GPC6: variants seen among roughly 807,000 people sequenced by gnomAD.
The protein encoded by GPC6 is glypican-6.
In GPC6, 14 loss-of-function variants were observed where a neutral mutation model predicts 55.2. The ratio of observed to expected loss-of-function variants is 0.25; its 90% CI spans 0.17 to 0.40. The LOEUF (loss-of-function observed/expected upper bound fraction) is 0.40. Among genes scored for constraint, GPC6 ranks in the 10% least tolerant of loss-of-function variants. GPC6 has a pLI of 1.00. For missense variants in GPC6, 641 were observed against 708.5 expected (o/e 0.90, Z 1.08); for synonymous variants, 278 against 259.6 (o/e 1.07, Z -0.68).
chr13:93,904,018 A>G (rs149252628), intron 3 of GPC6, among the ~76,000 whole-genome samples: 6 of 152,208 alleles, frequency 3.9e-5, no homozygotes, highest in Non-Finnish European at 5.9e-5. Context: ...GATACCTGTC[A>G]TAACAGTTTT....
At chr13:94,217,515 A>G (rs1890259895) in intron 4 of GPC6, among the ~76,000 whole-genome samples, 1 of 152,166 alleles carries the variant, frequency 6.6e-6, no homozygotes, top group Admixed American at 6.6e-5. Context: ...GCATGACAGC[A>G]TCCCATTCAT....
intron 3 of GPC6, among the ~76,000 whole-genome samples, chr13:94,002,269 T>C (rs1342485665): frequency 1.3e-5 from 2 of 152,044 alleles, no homozygotes; most frequent in Non-Finnish European, 2.9e-5. Context: ...GAAGGGACCA[T>C]AGGGGTGCTG....
chr13:93,552,786 A>G (rs1394855633), intron 2 of GPC6, among the ~76,000 whole-genome samples: 1 of 152,176 alleles, frequency 6.6e-6, no homozygotes, highest in Non-Finnish European at 1.5e-5. Context: ...GTTCTACCAG[A>G]AGGGTTCTTG....
At chr13:93,458,142 A>G (rs1878539400) in intron 1 of GPC6, among the ~76,000 whole-genome samples, 1 of 152,148 alleles carries the variant, frequency 6.6e-6, no homozygotes, top group Non-Finnish European at 1.5e-5. Context: ...GATCTAATTT[A>G]TTTGTTTTGT....
chr13:93,468,079 A>G (rs1487054367), intron 1 of GPC6, among the ~76,000 whole-genome samples: 1 of 152,164 alleles, frequency 6.6e-6, no homozygotes, highest in East Asian at 1.9e-4. Flanking sequence ...CTTAATGGCC[A>G]TTGTCCTGTA....
intron 2 of GPC6, among the ~76,000 whole-genome samples, chr13:93,740,180 G>A (rs1467803319): frequency 1.8e-5 from 2 of 114,014 alleles, no homozygotes; most frequent in Admixed American, 9.2e-5. Flanking sequence ...CTATAGCAAC[G>A]GCACATTGTT....
chr13:93,538,259 T>C (rs1252111621), intron 1 of GPC6, among the ~76,000 whole-genome samples: 6 of 152,138 alleles, frequency 3.9e-5, no homozygotes. Context: ...TTCCCAGAGA[T>C]TTTTCTCCAT....
At chr13:93,838,995 A>G (rs1338660808) in intron 3 of GPC6, among the ~76,000 whole-genome samples, 1 of 152,190 alleles carries the variant, frequency 6.6e-6, no homozygotes, top group East Asian at 1.9e-4. Flanking sequence ...GAGTTCTGAA[A>G]ACAAAGACAA....
chr13:93,834,575 AGTGT>A (rs145637968), intron 3 of GPC6, among the ~76,000 whole-genome samples: 9 of 150,144 alleles, frequency 6.0e-5, no homozygotes, highest in East Asian at 1.9e-4. Context: ...GTGCTTGAGG[AGTGT>A]GTGTGTGTGT....
At chr13:94,227,181 A>C (rs1269167072) in intron 4 of GPC6, among the ~76,000 whole-genome samples, 1 of 152,184 alleles carries the variant, frequency 6.6e-6, no homozygotes, top group Non-Finnish European at 1.5e-5. Context: ...AGTTAAATAT[A>C]ATTATAATTA....
chr13:93,487,265 G>A (rs1030142103), intron 1 of GPC6, among the ~76,000 whole-genome samples: 1 of 151,994 alleles, frequency 6.6e-6, no homozygotes, highest in Non-Finnish European at 1.5e-5. Context: ...ATATGTCCAG[G>A]TTTGCTACAT....
chr13:93,489,217 C>T (rs12877125), intron 1 of GPC6, among the ~76,000 whole-genome samples: 43,735 of 151,288 alleles, frequency 0.29, 6,872 homozygotes, highest in East Asian at 0.51. Context: ...GTGACATTTA[C>T]TAAATACGGA....
At chr13:93,950,665 A>G (rs548671687) in intron 3 of GPC6, among the ~76,000 whole-genome samples, 2 of 152,240 alleles carry the variant, frequency 1.3e-5, no homozygotes, top group African/African-American at 4.8e-5. Context: ...CACTCTGTTC[A>G]CTTTGATTCA....
intron 4 of GPC6, among the ~76,000 whole-genome samples, chr13:94,160,659 A>G (rs140416417): frequency 6.6e-6 from 1 of 152,204 alleles, no homozygotes; most frequent in Non-Finnish European, 1.5e-5. Flanking sequence ...TAATGAAAAC[A>G]TGCATAACCT....
At chr13:93,783,444 C>T (rs1340773516) in intron 2 of GPC6, among the ~76,000 whole-genome samples, 3 of 152,114 alleles carry the variant, frequency 2.0e-5, no homozygotes, top group Admixed American at 2.0e-4. Flanking sequence ...TACCCTCCCA[C>T]CAACAGTGTA....
At chr13:93,640,108 CT>C (rs1879850610) in intron 2 of GPC6, among the ~76,000 whole-genome samples, 1 of 151,912 alleles carries the variant, frequency 6.6e-6, no homozygotes, top group African/African-American at 2.4e-5. Flanking sequence ...TTTATAACTT[CT>C]TTATGTTTTC....
chr13:93,725,093 C>T (rs910447726), intron 2 of GPC6, among the ~76,000 whole-genome samples: 2 of 152,000 alleles, frequency 1.3e-5, no homozygotes, highest in Non-Finnish European at 2.9e-5. Context: ...CCTAAAGAAG[C>T]TAGGTTTAGT....
intron 1 of GPC6, among the ~76,000 whole-genome samples, chr13:93,461,106 T>G (rs1246395603): frequency 6.6e-6 from 1 of 152,052 alleles, no homozygotes; most frequent in Admixed American, 6.6e-5. Flanking sequence ...GTTTGATGGG[T>G]TTTTTGTTGT....
intron 4 of GPC6, among the ~76,000 whole-genome samples, chr13:94,267,147 G>A (rs1594112876): frequency 2.0e-5 from 3 of 152,108 alleles, no homozygotes; most frequent in South Asian, 4.2e-4. Context: ...TTGTGGTCTA[G>A]GTGTATGGGC....
Sources: gnomAD v4.1 joint callset for allele counts (sites outside exome capture counted in the v4.1 genomes callset) on GRCh38, gnomAD v4.1.1 for gene constraint, MANE v1.5 for transcripts, NCBI Gene and HGNC (gene_info 2026-07-23, HGNC 2026-07-21) for gene names.